Variants in DGKG observed in about 807,000 individuals in gnomAD.
DGKG encodes the protein DAG kinase gamma.
DGKG carries 78 observed loss-of-function variants against 105.3 expected under a neutral mutation model. The observed-to-expected ratio is 0.74, with a 90% confidence interval of 0.62 to 0.89. The LOEUF is 0.89. DGKG is among the 40% of genes least tolerant of loss of function. The probability of loss-of-function intolerance (pLI) is 0.00; values close to 1 mark genes in which losing one functional copy is unlikely to be tolerated. For missense variants in DGKG, 958 were observed against 1,020.1 expected (o/e 0.94, Z 0.83); for synonymous variants, 346 against 367.1 (o/e 0.94, Z 0.66).
At chr3:186,178,011 G>C (rs1439026801) in intron 22 of DGKG, among the ~76,000 whole-genome samples, 1 of 152,086 alleles carries the variant, frequency 6.6e-6, no homozygotes, top group Non-Finnish European at 1.5e-5. Flanking sequence ...AATGTGATTA[G>C]TTCCTTTATA....
intron 19 of DGKG, among the ~76,000 whole-genome samples, chr3:186,249,012 C>T (rs1043046855): frequency 4.6e-5 from 7 of 152,136 alleles, no homozygotes; most frequent in Admixed American, 6.5e-5. Flanking sequence ...GCCCACGCTC[C>T]AGAACCCCGG....
intron 10 of DGKG, among the ~76,000 whole-genome samples, chr3:186,275,196 T>G (rs1312893552): frequency 6.6e-6 from 1 of 152,204 alleles, no homozygotes; most frequent in Non-Finnish European, 1.5e-5. Context: ...CTTATTAATT[T>G]TTAAAAAATA....
chr3:186,276,281 C>T (rs988153562), intron 9 of DGKG, among the ~76,000 whole-genome samples: 8 of 152,112 alleles, frequency 5.3e-5, no homozygotes, highest in Non-Finnish European at 7.3e-5. Flanking sequence ...GGAATGTGCT[C>T]ATGATACAAT....
chr3:186,150,181 A>G lies in DGKG; in HGVS notation c.2285T>C (p.Ile762Thr), dbSNP rs1715689339. 1 of 1,611,504 alleles carries G rather than the reference A, an allele frequency of 6.2e-7. No homozygotes were observed. Among genetic ancestry groups the G allele is most frequent in the African/African-American group, 1.3e-5 (1 of 74,900 alleles). Reference protein sequence around the residue: ...PWMQPCCTIKITHKNQAPMMM... With the variant: ...PWMQPCCTIKTTHKNQAPMMM... ...CATGGGCGCTTGGTTCTTGTGAGTA[A>G]TTTTAATCTAAAAGCAAAGAGGCAG... The change falls in exon 25 of 25, where the codon ATT becomes ACT. Residue 762 changes from isoleucine (I) to threonine (T), a missense_variant. By Grantham distance (89) the Ile-to-Thr change is moderately conservative. Around this residue, in one of 2 missense-constraint regions of DGKG, gnomAD observed 315 missense variants for 400.6 expected, o/e 0.79. Coordinates refer to ENST00000265022, the MANE Select transcript of DGKG (RefSeq NM_001346.3).
intron 21 of DGKG, among the ~76,000 whole-genome samples, chr3:186,207,084 T>C (rs529029726): frequency 6.6e-5 from 10 of 152,112 alleles, no homozygotes; most frequent in African/African-American, 2.4e-4. Context: ...CCACAATGAT[T>C]TATGGAGCAC....
rs938400831 is a variant in DGKG at position 186,243,606 on chromosome 3, A to G, written c.1762-1038T>C. Among the ~76,000 whole-genome samples, 10 of 152,170 alleles carry G rather than the reference A, an allele frequency of 6.6e-5. No homozygotes were observed. In the South Asian group the frequency reaches 2.1e-3, roughly 32 times the overall value. On this transcript the variant is annotated intron_variant, in intron 19 of 24. Transcript: ENST00000265022. ...CCTCAAACTCGGTCTTCCACCCTCG[A>G]CAATGGTCTCATTTTCCAGCAGAAG...
At chr3:186,215,048 G>A (rs1719209398) in intron 20 of DGKG, among the ~76,000 whole-genome samples, 1 of 152,214 alleles carries the variant, frequency 6.6e-6, no homozygotes, top group Admixed American at 6.5e-5. Context: ...GCTTGGCTAG[G>A]TAAGGCTGGA....
chr3:186,312,136 A>G (rs1163783294), intron 2 of DGKG, among the ~76,000 whole-genome samples: 1 of 116,986 alleles, frequency 8.5e-6, no homozygotes. Flanking sequence ...AAAAAAAAAA[A>G]AAAAAAAAAA....
intron 20 of DGKG, among the ~76,000 whole-genome samples, chr3:186,223,143 C>T (rs1476684377): frequency 6.6e-6 from 1 of 150,642 alleles, no homozygotes; most frequent in Non-Finnish European, 1.5e-5. Flanking sequence ...ACAGGGAGCA[C>T]ATCTTTTCCG....
intron 1 of DGKG, among the ~76,000 whole-genome samples, chr3:186,336,137 A>C (rs1348130363): frequency 3.3e-5 from 5 of 152,192 alleles, no homozygotes; most frequent in Admixed American, 2.6e-4. Flanking sequence ...ACGGTATAAA[A>C]GCCTGGTCAT....
chr3:186,261,445 G>A (rs955482542), intron 15 of DGKG, among the ~76,000 whole-genome samples: 1 of 152,196 alleles, frequency 6.6e-6, no homozygotes, highest in Non-Finnish European at 1.5e-5. Context: ...AATGGCTCAC[G>A]TGGCAGGCTG....
intron 21 of DGKG, 78 bp from the exon 22 acceptor site, chr3:186,188,457 CG>C: frequency 1.6e-6 from 2 of 1,267,334 alleles, no homozygotes; most frequent in Non-Finnish European, 2.2e-6. Context: ...TGTGTGCGTG[CG>C]TGTGTGTGTG....
At chr3:186,197,807 C>T (rs1310580744) in intron 21 of DGKG, among the ~76,000 whole-genome samples, 1 of 152,180 alleles carries the variant, frequency 6.6e-6, no homozygotes, top group African/African-American at 2.4e-5. Flanking sequence ...GTACACGCTG[C>T]CTAAACTGCC....
chr3:186,308,898 C>T (rs1379374745), intron 2 of DGKG, among the ~76,000 whole-genome samples: 3 of 152,208 alleles, frequency 2.0e-5, no homozygotes, highest in African/African-American at 7.2e-5. Context: ...AAACTCTCCT[C>T]TACTAATCCA....
At chr3:186,339,488 TG>T (rs1302611623) in intron 1 of DGKG, among the ~76,000 whole-genome samples, 1 of 152,188 alleles carries the variant, frequency 6.6e-6, no homozygotes, top group Non-Finnish European at 1.5e-5. Context: ...CTAAATTGGA[TG>T]TAACTTTAAA....
intron 21 of DGKG, among the ~76,000 whole-genome samples, chr3:186,191,448 C>T (rs1447781959): frequency 6.6e-6 from 1 of 152,174 alleles, no homozygotes; most frequent in Non-Finnish European, 1.5e-5. Context: ...GTCAAAGTGG[C>T]CCCTGAATGA....
intron 1 of DGKG, among the ~76,000 whole-genome samples, chr3:186,327,820 C>A (rs992077330): frequency 2.0e-5 from 3 of 152,172 alleles, no homozygotes; most frequent in Non-Finnish European, 4.4e-5. Flanking sequence ...TCATAGAGAT[C>A]TTTCTCATTT....
chr3:186,303,723 C>G (rs1724086065), intron 3 of DGKG, among the ~76,000 whole-genome samples: 1 of 152,182 alleles, frequency 6.6e-6, no homozygotes, highest in Non-Finnish European at 1.5e-5. Flanking sequence ...CTCTAGCTGT[C>G]TGCCACCACT....
At chr3:186,207,517 A>G in intron 21 of DGKG, 1 of 985,164 alleles carries the variant, frequency 1.0e-6, no homozygotes, top group African/African-American at 1.7e-5. Flanking sequence ...ACTTAGCACC[A>G]CTGCCAGTTA....
Sources: allele counts gnomAD v4.1 joint callset (sites outside exome capture counted in the v4.1 genomes callset), GRCh38; gene constraint gnomAD v4.1.1; regional missense constraint gnomAD v4.1.1; transcripts MANE v1.5; gene names NCBI Gene and HGNC (gene_info 2026-07-23, HGNC 2026-07-21).